The following ZNF726 variants were observed in gnomAD, a reference collection of about 807,000 sequenced individuals.
The protein encoded by ZNF726 is zinc finger protein 92 pseudogene 3.
A neutral mutation model predicts 11.6 loss-of-function variants in ZNF726; 15 were observed. The observed-to-expected ratio is 1.29, with a 90% CI of 0.86 to 1.99. The LOEUF is 1.99. ZNF726 is among the 30% of genes most tolerant of loss of function. The pLI is 0.00. For missense variants in ZNF726, 890 were observed against 725.6 expected (o/e 1.23, Z -2.60); for synonymous variants, 295 against 243.6 (o/e 1.21, Z -1.96).
intron 3 of ZNF726, among the ~76,000 whole-genome samples, chr19:23,927,192 C>T (rs1165281358): frequency 6.6e-6 from 1 of 151,694 alleles, no homozygotes; most frequent in African/African-American, 2.4e-5. Context: ...GTTTAGAATT[C>T]CTGAGTTCAG....
chr19:23,919,441 A>G lies in ZNF726; in HGVS notation c.72A>G (p.Ala24=). The change falls in exon 2 of 4, where the codon GCA becomes GCG. Residue 24 remains alanine, a synonymous_variant. Coordinates refer to ENST00000594466, the MANE Select transcript of ZNF726 (RefSeq NM_001244038.2). ...SLEEWQCLDT[A]QKNLYRNVML... ...AGGAGTGGCAGTGCCTGGACACTGC[A>G]CAGAAGAATTTATATAGGAATGTGA... 6.2e-7 allele frequency: 1 copy of G among 1,608,154 alleles called. No homozygotes were observed. Among genetic ancestry groups the G allele is most frequent in the Non-Finnish European group, 8.5e-7 (1 of 1,176,556 alleles).
At chr19:23,944,302 C>T (rs1189411981) in intron 4 of ZNF726, 1 of 152,022 alleles carries the variant, frequency 6.6e-6, no homozygotes. Flanking sequence ...CTATTGTGAG[C>T]ATGCAATAAA....
At position 23,932,808 on chromosome 19, in the gene ZNF726, G is replaced by C; in HGVS notation, c.692G>C (p.Cys231Ser). ...KTHTEEKPYK[C>S]EEYGKAFNQS... ...CATACTGAAGAAAAGCCCTACAAAT[G>C]TGAAGAATATGGCAAAGCTTTTAAT... The change falls in exon 4 of 4, where the codon TGT (cysteine) becomes TCT (serine). Residue 231 changes from cysteine to serine, a missense_variant. Physicochemically the swap from Cys to Ser is moderately radical, Grantham distance 112 (BLOSUM62 -1). Transcript: ENST00000594466. 1 of 1,610,288 alleles carries C rather than the reference G, an allele frequency of 6.2e-7. No homozygotes were observed. Among genetic ancestry groups the C allele is most frequent in the South Asian group, 1.1e-5 (1 of 90,708 alleles).
chr19:23,936,326 T>A (rs187302789), downstream of ZNF726, among the ~76,000 whole-genome samples: 21 of 152,318 alleles, frequency 1.4e-4, no homozygotes, highest in East Asian at 3.3e-3. Context: ...GTGTAAACAT[T>A]ATTTGTATAT....
At chr19:23,929,501 G>C (rs1968058943) in intron 3 of ZNF726, among the ~76,000 whole-genome samples, 1 of 152,140 alleles carries the variant, frequency 6.6e-6, no homozygotes, top group Non-Finnish European at 1.5e-5. Context: ...CAGATTTCAT[G>C]AGACTTATTC....
At chr19:23,915,650 G>A (rs1303135366) in intron 1 of ZNF726, among the ~76,000 whole-genome samples, 1 of 151,532 alleles carries the variant, frequency 6.6e-6, no homozygotes, top group Non-Finnish European at 1.5e-5. Flanking sequence ...TCGTGATCTC[G>A]GCTCACTGCA....
intron 2 of ZNF726, 65 bp downstream of exon 2, chr19:23,919,564 T>C: frequency 6.7e-7 from 1 of 1,487,300 alleles, no homozygotes; most frequent in Non-Finnish European, 9.0e-7. Flanking sequence ...TTTTGTAGTA[T>C]GTTTTCTGGT....
At position 23,932,415 on chromosome 19, in the gene ZNF726, TAAG is replaced by T; in HGVS notation, c.304_306del (p.Arg102del). The T allele has an allele frequency of 6.4e-7, 1 of 1,557,556 alleles. No individual in the cohort carries two copies. ...GAAGATTCTTTTCAAAAAGTAATACTAAGAAGATTTGAAAAATGTGGACATGAG... is the reference window on the plus strand; with the variant it reads ...GAAGATTCTTTTCAAAAAGTAATACTAAGATTTGAAAAATGTGGACATGAG... On this transcript the variant is annotated inframe_deletion, in exon 4 of 4. Transcript: ENST00000594466.
intron 3 of ZNF726, chr19:23,927,705 C>G (rs1253084156): frequency 6.6e-6 from 1 of 152,178 alleles, no homozygotes; most frequent in Non-Finnish European, 1.5e-5. Context: ...TGGCCTCAAA[C>G]TTTTAACTCC....
At chr19:23,942,101 G>C (rs899944703) in intron 3 of ZNF726, among the ~76,000 whole-genome samples, 1 of 151,994 alleles carries the variant, frequency 6.6e-6, no homozygotes, top group African/African-American at 2.4e-5. Context: ...AGGCATTTAG[G>C]GATATGAACT....
chr19:23,932,558 G>C lies in ZNF726; in HGVS notation c.442G>C (p.Gly148Arg). ...TACCCAGGGCAAAGCTTCTCAATGT[G>C]GTAAATATTTGAAAGTCTTTTATAA... ...TTTQGKASQC[G>R]KYLKVFYKFI... is the part of the protein sequence containing the mutation. Residue 148 changes from glycine to arginine, a missense_variant, in exon 4 of 4, where the codon GGT becomes CGT. Coordinates refer to ENST00000594466, the MANE Select transcript of ZNF726 (RefSeq NM_001244038.2). The C allele has an allele frequency of 6.3e-7, 1 of 1,585,326 alleles. No homozygotes were observed. Among genetic ancestry groups the C allele is most frequent in the South Asian group, 1.2e-5 (1 of 84,674 alleles).
intron 3 of ZNF726, among the ~76,000 whole-genome samples, chr19:23,930,432 T>C (rs1222809110): frequency 1.3e-5 from 2 of 152,160 alleles, no homozygotes; most frequent in Non-Finnish European, 2.9e-5. Context: ...CTACCACACA[T>C]CCATTAATTG....
chr19:23,937,919 G>A (rs1968273705), downstream of ZNF726, among the ~76,000 whole-genome samples: 2 of 152,146 alleles, frequency 1.3e-5, no homozygotes, highest in South Asian at 4.1e-4. Flanking sequence ...GTACTTTTAT[G>A]GAATAATATA....
chr19:23,920,081 AG>A lies in ZNF726; in HGVS notation c.226+1del, dbSNP rs1967805476. On this transcript the variant is annotated frameshift_variant and splice_region_variant, in exon 3 of 4. Coordinates refer to ENST00000594466, the MANE Select transcript of ZNF726 (RefSeq NM_001244038.2). LOFTEE classifies it low-confidence loss of function (END_TRUNC). ...GAGATGAGATGGTGGATGAACCCCC[AG>A]GTAGGTGAGAGTGAATACAACAGAT... ...KRDEMVDEPP[G>X]ICPHFAQDIW... 6.3e-7 allele frequency: 1 copy of A among 1,575,000 alleles called. No homozygotes were observed. Among genetic ancestry groups the A allele is most frequent in the Non-Finnish European group, 8.7e-7 (1 of 1,155,878 alleles).
intron 1 of ZNF726, among the ~76,000 whole-genome samples, chr19:23,917,889 G>A (rs1389497690): frequency 3.3e-5 from 5 of 152,198 alleles, no homozygotes; most frequent in African/African-American, 1.2e-4. Context: ...GCAGGAGGGT[G>A]CCCCTTGTAG....
Position 23,933,144 on chromosome 19 carries a change from G to A in ZNF726, c.1028G>A (p.Cys343Tyr). 5 of 1,600,694 alleles carry A rather than the reference G, an allele frequency of 3.1e-6. No individual in the cohort carries two copies. Among genetic ancestry groups the A allele is most frequent in the Non-Finnish European group, 4.3e-6 (5 of 1,173,446 alleles). ...RLHSGEKPYKCEECAKAFSQF... is the reference protein window; with the variant it reads ...RLHSGEKPYKYEECAKAFSQF... The stretch of plus-strand genomic sequence containing the variant: ...CACAGTGGAGAGAAACCCTACAAAT[G>A]TGAAGAATGTGCCAAAGCTTTTAGC... Residue 343 changes from cysteine to tyrosine, a missense_variant, in exon 4 of 4, where the codon TGT becomes TAT. Coordinates refer to ENST00000594466, the MANE Select transcript of ZNF726 (RefSeq NM_001244038.2).
rs772799731 is a variant in ZNF726, at chr19:23,934,354, A to T, written c.*387A>T. On this transcript the variant is annotated 3_prime_UTR_variant, in exon 4 of 4. Coordinates refer to ENST00000594466, the MANE Select transcript of ZNF726 (RefSeq NM_001244038.2). ...TTAAATGTTCCTCAACTGTTACTGA[A>T]CATAAAGTAATTCATACTGAAGAGA... The T allele has an allele frequency of 1.8e-6, 1 of 542,048 alleles. No individual in the cohort carries two copies. The highest frequency in any genetic ancestry group is 1.5e-5 in the South Asian group (1 of 68,544). 33.6% of individuals were successfully genotyped at this position (542,048 alleles called of 1,614,324 possible).
chr19:23,915,134 CAGTCCCTTCAGCCTTAAGATGGCG>C, intron 1 of ZNF726, 137 bp downstream of exon 1: 1 of 1,314,548 alleles, frequency 7.6e-7, no homozygotes, highest in South Asian at 1.3e-5. Context: ...AGCTCGGCCT[CAGTCCCTTCAGCCTTAAGATGGCG>C]GCTGCGCTGA....
downstream of ZNF726, chr19:23,935,525 A>G: frequency 5.3e-6 from 2 of 377,004 alleles, no homozygotes; most frequent in Non-Finnish European, 1.0e-5. Flanking sequence ...AAGATTATTC[A>G]TACTGAAGAG....
Sources: gnomAD v4.1 joint callset for allele counts (sites outside exome capture counted in the v4.1 genomes callset) on GRCh38, gnomAD v4.1.1 for gene constraint, MANE v1.5 for transcripts, NCBI Gene and HGNC (gene_info 2026-07-23, HGNC 2026-07-21) for gene names.